Variants in LCA5 observed in about 807,000 individuals in gnomAD.
LCA5 encodes lebercilin LCA5, also known as lebercilin.
A neutral mutation model predicts 53.0 loss-of-function variants in LCA5; 37 were observed. That is an observed-to-expected ratio of 0.70 (90% confidence interval 0.54 to 0.92). LCA5 has a LOEUF of 0.92. LCA5 is among the 40% of genes least tolerant of loss of function. The probability of loss-of-function intolerance (pLI) is 0.00; values close to 1 mark genes in which losing one functional copy is unlikely to be tolerated. For synonymous variants in LCA5, 303 were observed against 282.9 expected (o/e 1.07, Z -0.71); for missense variants, 806 against 790.5 (o/e 1.02, Z -0.23).
intron 1 of LCA5, among the ~76,000 whole-genome samples, chr6:79,520,445 C>T (rs1448955834): frequency 7.2e-5 from 11 of 151,956 alleles, no homozygotes; most frequent in Admixed American, 4.6e-4. Flanking sequence ...ACAAGAACAC[C>T]AAAATAGTCC....
At chr6:79,499,910 T>G (rs1008857406) in intron 3 of LCA5, among the ~76,000 whole-genome samples, 1 of 149,328 alleles carries the variant, frequency 6.7e-6, no homozygotes, top group Non-Finnish European at 1.5e-5. Context: ...TGTGTTCTCA[T>G]TGTTCAATTC....
intron 6 of LCA5, 151 bp from the exon 7 acceptor site, chr6:79,489,367 C>T: frequency 2.5e-6 from 2 of 798,520 alleles, no homozygotes; most frequent in Non-Finnish European, 4.0e-6. Context: ...CAAGTTATCA[C>T]TCCTTGAAAA....
At chr6:79,515,982 C>T (rs2575217) in intron 2 of LCA5, among the ~76,000 whole-genome samples, 75,278 of 151,776 alleles carry the variant, frequency 0.5, 20,074 homozygotes, top group East Asian at 0.82. Context: ...GTAGCCCAAA[C>T]TGGGATATGC....
Position 79,487,111 on chromosome 6 carries a change from T to C in LCA5, c.1987A>G (p.Arg663Gly). 6.2e-7 allele frequency: 1 copy of C among 1,613,976 alleles called. No individual in the cohort carries two copies. Among genetic ancestry groups the C allele is most frequent in the Non-Finnish European group, 8.5e-7 (1 of 1,179,896 alleles). The change falls in exon 8 of 8, where the codon AGA becomes GGA. Residue 663 changes from arginine to glycine, a missense_variant. Transcript: ENST00000369846. Reference protein sequence around the residue: ...EDEGFFLSEGRSFNPNRHRLK... With the variant: ...EDEGFFLSEGGSFNPNRHRLK... ...CGGTGCCTATTTGGATTAAAACTTC[T>C]TCCTTCACTGAGGAAAAAGCCTTCA... is the stretch of plus-strand genomic sequence containing the variant.
chr6:79,513,424 C>T lies in LCA5; in HGVS notation c.508G>A (p.Ala170Thr), dbSNP rs549772017. 1 of 1,613,750 alleles carries T rather than the reference C, an allele frequency of 6.2e-7. No homozygotes were observed. The highest frequency in any genetic ancestry group is 1.3e-5 in the African/African-American group (1 of 75,012). The change falls in exon 3 of 8, where the codon GCA becomes ACA. Residue 170 changes from alanine (A) to threonine (T), a missense_variant. Coordinates refer to ENST00000369846, the MANE Select transcript of LCA5 (RefSeq NM_001122769.3). ...LIFRHNNEIT[A>T]LKERLRKSQE... Reference sequence around the variant, plus strand: ...GATTTTCTTAAGCGTTCTTTGAGTGCTGTAATCTCATTGTTATGACGAAAT... The same window carrying T: ...GATTTTCTTAAGCGTTCTTTGAGTGTTGTAATCTCATTGTTATGACGAAAT...
At chr6:79,518,171 T>C (rs1007486374) in intron 2 of LCA5, among the ~76,000 whole-genome samples, 9 of 152,184 alleles carry the variant, frequency 5.9e-5, no homozygotes, top group Non-Finnish European at 1.0e-4. Context: ...TGACTTCTAA[T>C]GATTAATCCA....
intron 1 of LCA5, among the ~76,000 whole-genome samples, chr6:79,522,904 CT>C (rs5877662): frequency 0.82 from 121,187 of 148,042 alleles, 49,942 homozygotes; most frequent in East Asian, 0.98. Flanking sequence ...TTGATACTGT[CT>C]TTTTTTTTTT....
chr6:79,498,888 C>T (rs149068785), intron 3 of LCA5, among the ~76,000 whole-genome samples: 3 of 152,082 alleles, frequency 2.0e-5, no homozygotes, highest in African/African-American at 7.2e-5. Flanking sequence ...AACTCTATGT[C>T]ATTTTTGATG....
chr6:79,491,470 C>T (rs1449411419), intron 6 of LCA5, 118 bp downstream of exon 6: 19 of 1,066,676 alleles, frequency 1.8e-5, no homozygotes, highest in South Asian at 4.0e-5. Flanking sequence ...AAAGGCTAGT[C>T]GCATATTCAT....
intron 2 of LCA5, among the ~76,000 whole-genome samples, chr6:79,516,391 C>T (rs1274154978): frequency 6.6e-6 from 1 of 151,624 alleles, no homozygotes; most frequent in African/African-American, 2.4e-5. Flanking sequence ...TCAATTGTTC[C>T]AAATATGGTT....
chr6:79,534,056 G>A (rs918841424), intron 1 of LCA5, among the ~76,000 whole-genome samples: 6 of 147,514 alleles, frequency 4.1e-5, no homozygotes, highest in Non-Finnish European at 9.0e-5. Context: ...TGTGGAAGAG[G>A]AGCAGTTACA....
chr6:79,530,322 T>C (rs1766920507), intron 1 of LCA5, among the ~76,000 whole-genome samples: 2 of 151,772 alleles, frequency 1.3e-5, no homozygotes, highest in African/African-American at 4.8e-5. Flanking sequence ...CACATGGACA[T>C]ATAGAGGGGA....
At chr6:79,500,558 C>A (rs111782017) in intron 3 of LCA5, among the ~76,000 whole-genome samples, 39 of 152,306 alleles carry the variant, frequency 2.6e-4, no homozygotes, top group African/African-American at 8.4e-4. Context: ...AAGGACCCTG[C>A]AGGTCTCCAG....
At chr6:79,499,559 T>TC (rs1770073845) in intron 3 of LCA5, among the ~76,000 whole-genome samples, 1 of 151,766 alleles carries the variant, frequency 6.6e-6, no homozygotes, top group African/African-American at 2.4e-5. Flanking sequence ...TCAAAATATT[T>TC]CATAAAAAAT....
At chr6:79,498,149 T>C (rs1459996749) in intron 3 of LCA5, among the ~76,000 whole-genome samples, 1 of 144,598 alleles carries the variant, frequency 6.9e-6, no homozygotes, top group Admixed American at 7.2e-5. Context: ...GAGCATGATG[T>C]ATGCAAGTTA....
At chr6:79,491,455 T>C in intron 6 of LCA5, 133 bp downstream of exon 6, 6 of 930,168 alleles carry the variant, frequency 6.5e-6, no homozygotes, top group South Asian at 1.4e-5. Flanking sequence ...CCTCTTTCCC[T>C]TCAAAAAGGC....
Position 79,486,201 on chromosome 6 carries a change from C to T in LCA5, c.*803G>A, listed in dbSNP as rs1769648047. 1 of 152,124 alleles carries T rather than the reference C, an allele frequency of 6.6e-6. No individual in the cohort carries two copies. Among genetic ancestry groups the T allele is most frequent in the Non-Finnish European group, 1.5e-5 (1 of 68,022 alleles). 9.4% of individuals were successfully genotyped at this position (152,124 alleles called of 1,614,324 possible). ...TCTTTGCAGTTGGTATGTATTTCCA[C>T]TATTCCTTGCATTTGGCATGAAATC... On this transcript the variant is annotated 3_prime_UTR_variant, in exon 8 of 8. Coordinates refer to ENST00000369846, the MANE Select transcript of LCA5 (RefSeq NM_001122769.3).
At chr6:79,498,453 C>T (rs115603377) in intron 3 of LCA5, among the ~76,000 whole-genome samples, 1,585 of 151,996 alleles carry the variant, frequency 0.01, 33 homozygotes, top group African/African-American at 0.037. Flanking sequence ...AAAAAAAATA[C>T]CAGGGCTAAA....
chr6:79,500,587 T>G (rs904545540), intron 3 of LCA5, among the ~76,000 whole-genome samples: 1 of 152,194 alleles, frequency 6.6e-6, no homozygotes, highest in Non-Finnish European at 1.5e-5. Flanking sequence ...ACAGTAATAC[T>G]TTTTTACAGT....
Sources: gnomAD v4.1 joint callset for allele counts (sites outside exome capture counted in the v4.1 genomes callset) on GRCh38, gnomAD v4.1.1 for gene constraint, MANE v1.5 for transcripts, NCBI Gene and HGNC (gene_info 2026-07-23, HGNC 2026-07-21) for gene names.